Variants in CDCA2 observed in about 807,000 individuals in gnomAD.
The protein encoded by CDCA2 is cell division cycle-associated protein 2.
In CDCA2, 44 loss-of-function variants were observed where a neutral mutation model predicts 67.0. The observed-to-expected ratio is 0.66, with a 90% confidence interval of 0.52 to 0.84. The LOEUF (loss-of-function observed/expected upper bound fraction) is 0.84, where lower values mean the gene tolerates loss of function less well. CDCA2 is among the 40% of genes least tolerant of loss of function. The probability of loss-of-function intolerance (pLI) is 0.00; values close to 1 mark genes in which losing one functional copy is unlikely to be tolerated. For missense variants in CDCA2, 1,253 were observed against 1,203.2 expected (o/e 1.04, Z -0.61); for synonymous variants, 447 against 418.7 (o/e 1.07, Z -0.82).
rs902658670 is a variant in CDCA2 at position 25,475,641 on chromosome 8, G to C, written c.821-4272G>C. Among the ~76,000 whole-genome samples the C allele has an allele frequency of 2.6e-5, 4 of 152,124 alleles. No individual in the cohort carries two copies. The East Asian group carries it at 7.7e-4, about 29-fold the overall frequency. ...AATCACTGACCTACAGTTGCTTCTCGACCTGGCGAAGACCTGATGGGAGCA... is the reference window on the plus strand; with the variant it reads ...AATCACTGACCTACAGTTGCTTCTCCACCTGGCGAAGACCTGATGGGAGCA... On this transcript the variant is annotated intron_variant, in intron 7 of 14. Transcript: ENST00000330560.
intron 13 of CDCA2, among the ~76,000 whole-genome samples, chr8:25,493,188 C>G (rs927076140): frequency 1.5e-4 from 23 of 152,064 alleles, no homozygotes; most frequent in African/African-American, 5.5e-4. Flanking sequence ...CAATGTTTAC[C>G]AACTGAAGAG....
At chr8:25,487,972 A>G (rs979652516) in intron 12 of CDCA2, among the ~76,000 whole-genome samples, 2 of 152,218 alleles carry the variant, frequency 1.3e-5, no homozygotes, top group African/African-American at 4.8e-5. Context: ...TAATATAAGT[A>G]TAATCTTTTT....
intron 13 of CDCA2, among the ~76,000 whole-genome samples, chr8:25,497,516 A>AT (rs1220661034): frequency 1.4e-5 from 2 of 144,250 alleles, no homozygotes; most frequent in South Asian, 4.5e-4. Flanking sequence ...TAAAAAAAAA[A>AT]AAAACTCACA....
At chr8:25,495,402 G>C (rs1234433667) in intron 13 of CDCA2, among the ~76,000 whole-genome samples, 1 of 149,900 alleles carries the variant, frequency 6.7e-6, no homozygotes, top group Admixed American at 6.7e-5. Flanking sequence ...CTAGAAATTT[G>C]AATATAAGTG....
intron 13 of CDCA2, among the ~76,000 whole-genome samples, chr8:25,489,026 GC>G (rs1803898465): frequency 6.6e-6 from 1 of 152,062 alleles, no homozygotes; most frequent in Non-Finnish European, 1.5e-5. Flanking sequence ...GGATGAGTGT[GC>G]CGCTTGCTAC....
chr8:25,487,029 T>A (rs764973054), intron 11 of CDCA2, among the ~76,000 whole-genome samples: 2 of 152,046 alleles, frequency 1.3e-5, no homozygotes, highest in South Asian at 4.1e-4. Flanking sequence ...GCAGTCACCA[T>A]GGAAAGTGGC....
chr8:25,475,256 C>T (rs1803302311), intron 7 of CDCA2, among the ~76,000 whole-genome samples: 1 of 152,192 alleles, frequency 6.6e-6, no homozygotes, highest in Non-Finnish European at 1.5e-5. Context: ...TGTAGTGGCT[C>T]ACGCCTGTAA....
intron 4 of CDCA2, among the ~76,000 whole-genome samples, chr8:25,464,618 G>A (rs1373006277): frequency 2.0e-5 from 3 of 152,122 alleles, no homozygotes; most frequent in Admixed American, 1.3e-4. Context: ...ATTTTGACTA[G>A]AGAAACTTAA....
chr8:25,470,432 G>A (rs896197106), intron 7 of CDCA2, among the ~76,000 whole-genome samples: 1 of 151,912 alleles, frequency 6.6e-6, no homozygotes, highest in Non-Finnish European at 1.5e-5. Flanking sequence ...GCATATAATT[G>A]GATCTTGTGT....
intron 7 of CDCA2, among the ~76,000 whole-genome samples, chr8:25,473,702 A>G (rs187524271): frequency 2.0e-5 from 3 of 152,378 alleles, no homozygotes; most frequent in Non-Finnish European, 2.9e-5. Flanking sequence ...GCTTCATAAT[A>G]TAATCCAGAG....
chr8:25,507,913 A>T, downstream of CDCA2: 1 of 504,852 alleles, frequency 2.0e-6, no homozygotes, highest in South Asian at 5.9e-5. Context: ...CATCATTCAG[A>T]TAGAAAACAT....
intron 10 of CDCA2, among the ~76,000 whole-genome samples, chr8:25,484,856 G>A (rs1360149065): frequency 1.3e-5 from 2 of 152,102 alleles, no homozygotes; most frequent in Non-Finnish European, 1.5e-5. Context: ...AATTGAAGGG[G>A]TAGGTTAATT....
At chr8:25,485,185 T>A (rs370149751) in intron 10 of CDCA2, among the ~76,000 whole-genome samples, 6 of 91,922 alleles carry the variant, frequency 6.5e-5, no homozygotes, top group African/African-American at 1.9e-4. Context: ...TAAAGTATAA[T>A]AATAATAATA....
chr8:25,495,715 T>C (rs1270134088), intron 13 of CDCA2, among the ~76,000 whole-genome samples: 6 of 152,140 alleles, frequency 3.9e-5, no homozygotes, highest in Non-Finnish European at 7.4e-5. Context: ...CCACTGCGCC[T>C]GGCCCTATAA....
In CDCA2 at chr8:25,483,387, T is replaced by C. The variant is rs1563271883; in HGVS notation, c.1033-12T>C. The C allele has an allele frequency of 1.3e-6, 2 of 1,530,178 alleles. No individual in the cohort carries two copies. The highest frequency in any genetic ancestry group is 1.8e-6 in the Non-Finnish European group (2 of 1,132,540). 94.8% of individuals were successfully genotyped at this position (1,530,178 alleles called of 1,614,324 possible). A position where few individuals can be genotyped will look rare whatever the true frequency, so the allele number is the denominator to read the frequency against. ...ATATGTAAAATTATTCATTAATGTT[T>C]ATTCTGTTTAGGAACACTGTAACAA... On this transcript the variant is annotated splice_polypyrimidine_tract_variant and intron_variant, in intron 8 of 14. Coordinates refer to ENST00000330560, the MANE Select transcript of CDCA2 (RefSeq NM_152562.4).
intron 13 of CDCA2, among the ~76,000 whole-genome samples, chr8:25,498,463 C>CCG (rs71214578): frequency 1.9e-4 from 24 of 125,880 alleles, no homozygotes; most frequent in Non-Finnish European, 4.0e-4. Context: ...ACCCCCCCCC[C>CCG]GCCCCCCAGG....
chr8:25,486,912 C>A (rs1208479734), intron 11 of CDCA2, among the ~76,000 whole-genome samples: 1 of 151,990 alleles, frequency 6.6e-6, no homozygotes, highest in East Asian at 1.9e-4. Context: ...TCCTTTATTG[C>A]GATTTCATTA....
intron 13 of CDCA2, 24 bp from the exon 14 acceptor site, chr8:25,503,349 C>A: frequency 3.8e-6 from 6 of 1,566,786 alleles, no homozygotes; most frequent in Non-Finnish European, 5.3e-6. Context: ...TTCTCAATTG[C>A]AATGTTTTAA....
chr8:25,460,338 TAGAC>T, intron 2 of CDCA2, 38 bp downstream of exon 2: 1 of 1,614,152 alleles, frequency 6.2e-7, no homozygotes, highest in Non-Finnish European at 8.5e-7. Flanking sequence ...GTTGAAGGTT[TAGAC>T]AGAGAGTTGT....
Sources: allele counts gnomAD v4.1 joint callset (sites outside exome capture counted in the v4.1 genomes callset), GRCh38; gene constraint gnomAD v4.1.1; transcripts MANE v1.5; gene names NCBI Gene and HGNC (gene_info 2026-07-23, HGNC 2026-07-21).